FSTL4: variants seen among roughly 807,000 people sequenced by gnomAD.
FSTL4 encodes the protein follistatin like 4.
A neutral mutation model predicts 78.2 loss-of-function variants in FSTL4; 28 were observed. That is an observed-to-expected ratio of 0.36 (90% CI 0.27 to 0.49). FSTL4 has a LOEUF of 0.49. Among genes scored for constraint, FSTL4 ranks in the 20% least tolerant of loss-of-function variants. The pLI, the probability that FSTL4 is intolerant of heterozygous loss-of-function variation, is 0.98. For synonymous variants in FSTL4, 422 were observed against 440.5 expected (o/e 0.96, Z 0.53); for missense variants, 922 against 1,084.9 (o/e 0.85, Z 2.11).
intron 4 of FSTL4, among the ~76,000 whole-genome samples, chr5:133,387,619 A>G (rs977688980): frequency 1.3e-5 from 2 of 152,124 alleles, no homozygotes; most frequent in African/African-American, 4.8e-5. Flanking sequence ...CTAATTGGTT[A>G]ATCACATTGT....
chr5:133,641,905 TTCC>T, the FSTL4 span, among the ~76,000 whole-genome samples: 3 of 151,744 alleles, frequency 2.0e-5, no homozygotes, highest in Non-Finnish European at 4.4e-5. Flanking sequence ...CCTCTTCTTC[TTCC>T]TCCTCCTCCT....
the FSTL4 span, among the ~76,000 whole-genome samples, chr5:133,709,099 C>T: frequency 1.3e-5 from 2 of 152,234 alleles, no homozygotes; most frequent in Admixed American, 6.5e-5. Context: ...ATTGTAGACA[C>T]ATGGACTGTG....
the FSTL4 span, among the ~76,000 whole-genome samples, chr5:133,747,619 G>A: frequency 6.6e-6 from 1 of 152,168 alleles, no homozygotes; most frequent in Non-Finnish European, 1.5e-5. Context: ...AAGAGAGTAT[G>A]TAAACCAAAC....
At chr5:133,593,530 A>G (rs1467203745) in intron 2 of FSTL4, among the ~76,000 whole-genome samples, 1 of 151,946 alleles carries the variant, frequency 6.6e-6, no homozygotes, top group Non-Finnish European at 1.5e-5. Flanking sequence ...CCAGCCCCCA[A>G]CCCGCACTCT....
At chr5:133,609,565 C>T in intron 1 of FSTL4, among the ~76,000 whole-genome samples, 1 of 152,194 alleles carries the variant, frequency 6.6e-6, no homozygotes, top group Non-Finnish European at 1.5e-5. Flanking sequence ...AAAACACCAA[C>T]CCAGGGAAAT....
chr5:133,753,683 CTGTGTGTGTG>C, the FSTL4 span, among the ~76,000 whole-genome samples: 32 of 120,694 alleles, frequency 2.7e-4, no homozygotes, highest in African/African-American at 3.9e-4. Flanking sequence ...CACATTTGTT[CTGTGTGTGTG>C]TGTGTGTGTG....
At chr5:133,778,632 G>A in the FSTL4 span, among the ~76,000 whole-genome samples, 4 of 152,190 alleles carry the variant, frequency 2.6e-5, no homozygotes, top group Non-Finnish European at 2.9e-5. Context: ...CACCGAGGCT[G>A]TGACAGAGCA....
chr5:133,520,001 C>T (rs1043637640), intron 3 of FSTL4, among the ~76,000 whole-genome samples: 30 of 152,206 alleles, frequency 2.0e-4, no homozygotes, highest in African/African-American at 4.8e-5. Flanking sequence ...AGAGTAACAA[C>T]ATAAAACAGA....
At chr5:133,330,908 G>A (rs1337037424) in intron 4 of FSTL4, among the ~76,000 whole-genome samples, 3 of 152,198 alleles carry the variant, frequency 2.0e-5, no homozygotes, top group Non-Finnish European at 4.4e-5. Flanking sequence ...GTGTGCATAT[G>A]TGCTGAAGTG....
Position 133,611,935 on chromosome 5 carries a change from A to G in FSTL4, c.-11+390T>C, listed in dbSNP as rs114889260. ...CCGCCGGGGCCGCTCGGGGTCCTGAACCCAAGAACGGCGCCTGCAGGATTT... is the reference window on the plus strand; with the variant it reads ...CCGCCGGGGCCGCTCGGGGTCCTGAGCCCAAGAACGGCGCCTGCAGGATTT... On this transcript the variant is annotated intron_variant, in intron 1 of 15. Transcript: ENST00000265342. The surrounding 1 kb of genome is among the most constrained non-coding windows in gnomAD (Gnocchi z 4.9). Among the ~76,000 whole-genome samples the G allele has an allele frequency of 8.2e-3, 1,242 of 151,844 alleles. 15 individuals are homozygous for G. The highest frequency in any genetic ancestry group is 0.029 in the African/African-American group (1,185 of 41,442).
chr5:133,816,025 T>C, the FSTL4 span, among the ~76,000 whole-genome samples: 1 of 152,086 alleles, frequency 6.6e-6, no homozygotes, highest in Admixed American at 6.5e-5. Flanking sequence ...ACAAGAAGGA[T>C]AGAGTTAAGC....
intron 3 of FSTL4, among the ~76,000 whole-genome samples, chr5:133,524,958 T>C (rs1444070193): frequency 1.3e-5 from 2 of 152,178 alleles, no homozygotes; most frequent in East Asian, 3.9e-4. Context: ...GTAAATGCTT[T>C]AGATGAGGAG....
chr5:133,218,175 T>C (rs1198527420), intron 12 of FSTL4, among the ~76,000 whole-genome samples: 1 of 152,232 alleles, frequency 6.6e-6, no homozygotes, highest in Non-Finnish European at 1.5e-5. Context: ...TTTACTTCCA[T>C]AGGCCAAAAC....
At chr5:133,718,737 A>G in the FSTL4 span, among the ~76,000 whole-genome samples, 1 of 152,180 alleles carries the variant, frequency 6.6e-6, no homozygotes, top group Non-Finnish European at 1.5e-5. Flanking sequence ...GTGATTTTGG[A>G]TTTCTATGTG....
At chr5:133,334,131 G>A (rs1038069231) in intron 4 of FSTL4, 3 of 152,362 alleles carry the variant, frequency 2.0e-5, no homozygotes, top group African/African-American at 4.8e-5. Context: ...GAAATGGTTC[G>A]AGTTCCAAAC....
chr5:133,360,132 G>A (rs1266630973), intron 4 of FSTL4, among the ~76,000 whole-genome samples: 1 of 152,238 alleles, frequency 6.6e-6, no homozygotes, highest in Admixed American at 6.5e-5. Flanking sequence ...AACACACCCT[G>A]TCCCTCTCCT....
At chr5:133,592,720 G>T (rs1760657435) in intron 2 of FSTL4, among the ~76,000 whole-genome samples, 1 of 152,018 alleles carries the variant, frequency 6.6e-6, no homozygotes, top group African/African-American at 2.4e-5. Flanking sequence ...CTTTTAAATA[G>T]AGCCTGGAAC....
rs1056445966 is a variant in FSTL4, at chr5:133,261,563, C to T, written c.728-11987G>A. 2.0e-5 allele frequency among the ~76,000 whole-genome samples: 3 copies of T among 152,212 alleles called. No individual in the cohort carries two copies. In the East Asian group the frequency reaches 5.8e-4, roughly 29 times the overall value. ...CCAGCATTCATGTTAAAACAGAGCT[C>T]ATGAGAGTGACAGGCCAGGCGCGGT... On this transcript the variant is annotated intron_variant, in intron 6 of 15. Coordinates refer to ENST00000265342, the MANE Select transcript of FSTL4 (RefSeq NM_015082.2).
chr5:133,514,267 G>C (rs1758808351), intron 3 of FSTL4, among the ~76,000 whole-genome samples: 1 of 151,252 alleles, frequency 6.6e-6, no homozygotes, highest in South Asian at 2.1e-4. Flanking sequence ...CTAGAGAAGA[G>C]GAACAGATGA....
Sources: gnomAD v4.1 joint callset for allele counts (sites outside exome capture counted in the v4.1 genomes callset) on GRCh38, gnomAD v4.1.1 for gene constraint, Gnocchi (gnomAD v3.1) non-coding constraint, MANE v1.5 for transcripts, NCBI Gene and HGNC (gene_info 2026-07-23, HGNC 2026-07-21) for gene names.